MTA1: variants seen among roughly 807,000 people sequenced by gnomAD.
The protein encoded by MTA1 is metastasis associated 1, also known as metastasis-associated protein MTA1.
Under a neutral mutation model 97.0 loss-of-function variants are expected in MTA1, and 15 were observed. The observed-to-expected ratio is 0.15, with a 90% CI of 0.10 to 0.24. MTA1 has a LOEUF of 0.24. Ranked by LOEUF, MTA1 falls within the 10% of genes least tolerant of loss-of-function variation. The pLI is 1.00. For missense variants in MTA1, 709 were observed against 1,015.1 expected (o/e 0.70, Z 4.10); for synonymous variants, 435 against 417.5 (o/e 1.04, Z -0.51).
chr14:105,464,339 G>T (rs1595413742), intron 13 of MTA1, 77 bp from the exon 14 acceptor site: 2 of 1,574,180 alleles, frequency 1.3e-6, no homozygotes, highest in South Asian at 2.3e-5. Context: ...GGCGGCCGGC[G>T]TGGGGGTGGC....
chr14:105,450,982 G>C (rs1387048716), intron 6 of MTA1, among the ~76,000 whole-genome samples: 1 of 152,222 alleles, frequency 6.6e-6, no homozygotes, highest in African/African-American at 2.4e-5. Context: ...TGGAGTGCCT[G>C]TCACAGTTGC....
In MTA1 at chr14:105,464,127, G is replaced by A. The variant is rs782787159; in HGVS notation, c.1172G>A (p.Arg391Gln). 11 of 1,610,434 alleles carry A rather than the reference G, an allele frequency of 6.8e-6. No homozygotes were observed. Among genetic ancestry groups the A allele is most frequent in the African/African-American group, 1.3e-5 (1 of 74,728 alleles). Reference sequence around the variant, plus strand: ...CCGGGCCAGAGCCCTGGGGCTGGCCGGGCCTGCGAGAGCTGTTACAGTAAG... The same window carrying A: ...CCGGGCCAGAGCCCTGGGGCTGGCCAGGCCTGCGAGAGCTGTTACAGTAAG... ...GAPGQSPGAGRACESCYTTQS... is the reference protein window; with the variant it reads ...GAPGQSPGAGQACESCYTTQS... Residue 391 changes from arginine to glutamine, a missense_variant, in exon 13 of 21, where the codon CGG (arginine) becomes CAG (glutamine). Physicochemically the swap from Arg to Gln is conservative, Grantham distance 43. Transcript: ENST00000331320.
Position 105,463,878 on chromosome 14 carries a change from C to A in MTA1, c.1077-154C>A. The A allele has an allele frequency of 1.3e-6, 1 of 757,420 alleles. No homozygotes were observed. Among genetic ancestry groups the A allele is most frequent in the Non-Finnish European group, 2.3e-6 (1 of 439,328 alleles). The allele number at this position is 757,420 out of a possible 1,614,324, so 46.9% of individuals were successfully genotyped here. On this transcript the variant is annotated intron_variant, in intron 12 of 20. Transcript: ENST00000331320. The surrounding 1 kb of genome is among the most constrained non-coding windows in gnomAD (Gnocchi z 5.9). Reference sequence around the variant, plus strand: ...AGACCTCAGCAGTGGCTCCCAGGAACTGAAAGGGGAGAAAGGAAGATCCCT... The same window carrying A: ...AGACCTCAGCAGTGGCTCCCAGGAAATGAAAGGGGAGAAAGGAAGATCCCT...
chr14:105,423,407 G>GC (rs1555421466), intron 1 of MTA1, among the ~76,000 whole-genome samples: 1 of 151,898 alleles, frequency 6.6e-6, no homozygotes, highest in African/African-American at 2.4e-5. Context: ...AGTAGAGACG[G>GC]CGTTTCTCCA....
In MTA1 at chr14:105,469,480, C is replaced by T. The variant is rs782813988; in HGVS notation, c.1827C>T (p.His609=). Residue 609 remains histidine (H), a synonymous_variant, in exon 19 of 21, where the codon CAC becomes CAT. Transcript: ENST00000331320. ...ATTTCTCATCAGGTCTGGCAAACCACGGACAGGCCAGGCACATGGTAAGAG... is the reference window on the plus strand; with the variant it reads ...ATTTCTCATCAGGTCTGGCAAACCATGGACAGGCCAGGCACATGGTAAGAG... ...LLMPSRGLAN[H]GQARHMGPSR... The T allele has an allele frequency of 2.5e-5, 40 of 1,612,834 alleles. No homozygotes were observed. Among genetic ancestry groups the T allele is most frequent in the African/African-American group, 4.0e-5 (3 of 74,914 alleles).
Position 105,463,128 on chromosome 14 carries a change from T to C in MTA1, c.943-56T>C. 6.5e-7 allele frequency: 1 copy of C among 1,550,090 alleles called. No individual in the cohort carries two copies. The highest frequency in any genetic ancestry group is 8.9e-7 in the Non-Finnish European group (1 of 1,129,026). The stretch of plus-strand genomic sequence containing the variant: ...GGCCGCAGCCCTGCCCCTGCCTGCA[T>C]GGTGTGCCTGCCTCCTGCCCCTTCC... On this transcript the variant is annotated intron_variant, in intron 10 of 20. Coordinates refer to ENST00000331320, the MANE Select transcript of MTA1 (RefSeq NM_004689.4). This position sits in a 1 kb window ranked among gnomAD's most constrained non-coding sequence, Gnocchi z 5.9.
Position 105,463,631 on chromosome 14 carries a change from G to A in MTA1, c.1076+80G>A. ...GGCACAGGGTGCTGGGGCCAGGCGG[G>A]TCCCAAGGAAACTCAAGCTCAGAGG... On this transcript the variant is annotated intron_variant, in intron 12 of 20. Transcript: ENST00000331320. The surrounding 1 kb of genome is among the most constrained non-coding windows in gnomAD (Gnocchi z 5.9). The A allele has an allele frequency of 2.1e-6, 3 of 1,422,364 alleles. No individual in the cohort carries two copies. Among genetic ancestry groups the A allele is most frequent in the Non-Finnish European group, 3.0e-6 (3 of 1,014,962 alleles). 88.1% of individuals were successfully genotyped at this position (1,422,364 alleles called of 1,614,324 possible).
chr14:105,452,285 A>G (rs1177082998), intron 6 of MTA1, among the ~76,000 whole-genome samples: 1 of 152,274 alleles, frequency 6.6e-6, no homozygotes, highest in African/African-American at 2.4e-5. Context: ...TGTCACAGAT[A>G]AGCAAGAGTG....
At chr14:105,462,746 G>A (rs781809457) in intron 10 of MTA1, among the ~76,000 whole-genome samples, 3 of 152,194 alleles carry the variant, frequency 2.0e-5, no homozygotes, top group South Asian at 4.1e-4. Context: ...AGAGGTGCCT[G>A]TAGTCCCAGC....
chr14:105,453,824 AG>A (rs1457522039), intron 6 of MTA1, among the ~76,000 whole-genome samples: 4 of 152,242 alleles, frequency 2.6e-5, no homozygotes, highest in Non-Finnish European at 5.9e-5. Flanking sequence ...AAAAATAAAA[AG>A]GCAAATAAGT....
rs1595242551 is a variant in MTA1, at chr14:105,422,375, G to A, written c.28+2312G>A. ...TGAGCCCCCAGACAAGAAAGAGGAA[G>A]GTGTGCAGTGTCTCCTGAGCAGCCT... On this transcript the variant is annotated intron_variant, in intron 1 of 20. Coordinates refer to ENST00000331320, the MANE Select transcript of MTA1 (RefSeq NM_004689.4). The surrounding 1 kb of genome is among the most constrained non-coding windows in gnomAD (Gnocchi z 4.3). 6.6e-6 allele frequency among the ~76,000 whole-genome samples: 1 copy of A among 152,152 alleles called. No individual in the cohort carries two copies. Among genetic ancestry groups the A allele is most frequent in the African/African-American group, 2.4e-5 (1 of 41,434 alleles).
intron 7 of MTA1, among the ~76,000 whole-genome samples, chr14:105,454,862 T>A (rs190470077): frequency 2.0e-5 from 3 of 152,246 alleles, no homozygotes; most frequent in African/African-American, 7.2e-5. Flanking sequence ...GGTGCTGGGA[T>A]TACAGGCGTG....
chr14:105,447,002 G>A lies in MTA1; in HGVS notation c.190+1491G>A, dbSNP rs587666278. Among the ~76,000 whole-genome samples, 17 of 152,372 alleles carry A rather than the reference G, an allele frequency of 1.1e-4. No homozygotes were observed. In the East Asian group the frequency reaches 3.3e-3, roughly 29 times the overall value. On this transcript the variant is annotated intron_variant, in intron 3 of 20. Coordinates refer to ENST00000331320, the MANE Select transcript of MTA1 (RefSeq NM_004689.4). Reference sequence around the variant, plus strand: ...GCACTCGGCGGGCTCCAGGCACCAAGGAGGAGAGCTGGGGATGTTGAAGGT... The same window carrying A: ...GCACTCGGCGGGCTCCAGGCACCAAAGAGGAGAGCTGGGGATGTTGAAGGT...
intron 1 of MTA1, among the ~76,000 whole-genome samples, chr14:105,423,188 C>A (rs1205376252): frequency 6.6e-6 from 1 of 151,538 alleles, no homozygotes; most frequent in Non-Finnish European, 1.5e-5. Context: ...GAGGTTAACA[C>A]CCCATCTTTT....
intron 1 of MTA1, among the ~76,000 whole-genome samples, chr14:105,429,196 C>T (rs1048827014): frequency 1.5e-4 from 23 of 152,176 alleles, no homozygotes; most frequent in Admixed American, 5.9e-4. Context: ...GGAATGTGTC[C>T]GCTTTGATTT....
intron 6 of MTA1, among the ~76,000 whole-genome samples, 196 bp from the exon 7 acceptor site, chr14:105,453,997 G>A (rs587600968): frequency 6.6e-6 from 1 of 152,262 alleles, no homozygotes; most frequent in African/African-American, 2.4e-5. Flanking sequence ...GACCCTCGAG[G>A]CCCCGCTGTA....
Position 105,452,052 on chromosome 14 carries a change from G to A in MTA1, c.432+1728G>A, listed in dbSNP as rs895127360. 4.6e-5 allele frequency among the ~76,000 whole-genome samples: 7 copies of A among 152,032 alleles called. No homozygotes were observed. The South Asian group carries it at 6.2e-4, about 14-fold the overall frequency. On this transcript the variant is annotated intron_variant, in intron 6 of 20. Transcript: ENST00000331320. ...GGTGATCATCCCGCCTCTGCCTCCC[G>A]AACTGTTGGGATTACAGGCATGAGC...
At chr14:105,449,969 G>A (rs976255798) in intron 4 of MTA1, 89 bp from the exon 5 acceptor site, 23 of 1,577,410 alleles carry the variant, frequency 1.5e-5, no homozygotes, top group Non-Finnish European at 1.8e-5. Flanking sequence ...GGCCTCCTGC[G>A]TGCTGGCGCC....
At position 105,464,788 on chromosome 14, in the gene MTA1, C is replaced by T. The variant is rs782569632; in HGVS notation, c.1459C>T (p.Arg487Cys). Residue 487 changes from arginine (R) to cysteine (C), a missense_variant, in exon 15 of 21, where the codon CGT becomes TGT. By Grantham distance (180) the Arg-to-Cys change is radical (BLOSUM62 -3). Around this residue, in one of 2 missense-constraint regions of MTA1, gnomAD observed 388 missense variants for 421.6 expected, o/e 0.92. Coordinates refer to ENST00000331320, the MANE Select transcript of MTA1 (RefSeq NM_004689.4). ...KLTRIARRLC[R>C]EILRPWHAAR... The stretch of plus-strand genomic sequence containing the variant: ...GACGCGGATCGCCCGGCGCCTGTGC[C>T]GTGAGATCCTGCGCCCGTGGCACGC... The T allele has an allele frequency of 2.5e-6, 4 of 1,606,420 alleles. No individual in the cohort carries two copies. The highest frequency in any genetic ancestry group is 1.3e-5 in the African/African-American group (1 of 74,786).
Sources: gnomAD v4.1 joint callset for allele counts (sites outside exome capture counted in the v4.1 genomes callset) on GRCh38, gnomAD v4.1.1 for gene constraint, gnomAD v4.1.1 regional missense constraint, Gnocchi (gnomAD v3.1) non-coding constraint, MANE v1.5 for transcripts, NCBI Gene and HGNC (gene_info 2026-07-23, HGNC 2026-07-21) for gene names.